Variants in MMP26 observed in about 807,000 individuals in gnomAD.
The protein encoded by MMP26 is matrix metalloproteinase-26.
A neutral mutation model predicts 31.0 loss-of-function variants in MMP26; 33 were observed. That is an observed-to-expected ratio of 1.06 (90% CI 0.81 to 1.42). The LOEUF (loss-of-function observed/expected upper bound fraction) is 1.42, where lower values mean the gene tolerates loss of function less well. Ranked by LOEUF, MMP26 falls within the 40% of genes most tolerant of loss-of-function variation. MMP26 has a pLI of 0.00. For synonymous variants in MMP26, 122 were observed against 114.9 expected (o/e 1.06, Z -0.40); for missense variants, 347 against 316.1 (o/e 1.10, Z -0.74).
intron 2 of MMP26, among the ~76,000 whole-genome samples, chr11:4,894,886 A>C (rs1248368250): frequency 6.6e-6 from 1 of 152,174 alleles, no homozygotes; most frequent in Non-Finnish European, 1.5e-5. Flanking sequence ...AAATCAGTTC[A>C]TTTCACTTGT....
intron 2 of MMP26, among the ~76,000 whole-genome samples, chr11:4,892,599 T>G (rs1044770233): frequency 6.6e-6 from 1 of 152,206 alleles, no homozygotes; most frequent in Non-Finnish European, 1.5e-5. Context: ...ATTAATTAAA[T>G]CTTATTAAAC....
At chr11:4,835,438 TTA>T (rs1849705527) in intron 2 of MMP26, among the ~76,000 whole-genome samples, 1 of 152,152 alleles carries the variant, frequency 6.6e-6, no homozygotes, top group Admixed American at 6.5e-5. Context: ...TCCCCTTAAC[TTA>T]TCAGTCAAGT....
intron 2 of MMP26, chr11:4,909,318 G>A (rs969931557): frequency 1.3e-5 from 2 of 152,034 alleles, no homozygotes; most frequent in African/African-American, 4.8e-5. Flanking sequence ...ATTTGAAGGG[G>A]GGCAAACAAG....
chr11:4,839,706 A>G (rs922094061), intron 2 of MMP26, among the ~76,000 whole-genome samples: 2 of 151,618 alleles, frequency 1.3e-5, no homozygotes, highest in African/African-American at 2.4e-5. Flanking sequence ...TACTACGTCA[A>G]GAGTCTTGGG....
intron 2 of MMP26, among the ~76,000 whole-genome samples, chr11:4,820,396 T>G (rs1266118615): frequency 6.7e-6 from 1 of 149,536 alleles, no homozygotes. Flanking sequence ...GGCTATTGTG[T>G]TTTTTTTATT....
chr11:4,843,661 T>C (rs1175969188), intron 2 of MMP26, among the ~76,000 whole-genome samples: 1 of 152,232 alleles, frequency 6.6e-6, no homozygotes, highest in Non-Finnish European at 1.5e-5. Context: ...GCAGTGAAGG[T>C]CTGAAATACC....
intron 2 of MMP26, chr11:4,875,165 G>A (rs1019269959): frequency 3.3e-5 from 5 of 152,044 alleles, no homozygotes; most frequent in African/African-American, 1.2e-4. Context: ...GCTCTCTAAT[G>A]AAGAGAAAAG....
intron 2 of MMP26, among the ~76,000 whole-genome samples, chr11:4,959,559 C>T (rs548004851): frequency 7.2e-5 from 11 of 152,252 alleles, no homozygotes; most frequent in East Asian, 3.9e-4. Flanking sequence ...CTCTGTTGCA[C>T]GGGTCTATTT....
intron 2 of MMP26, among the ~76,000 whole-genome samples, chr11:4,873,488 G>A (rs929529862): frequency 2.0e-5 from 3 of 152,070 alleles, no homozygotes; most frequent in African/African-American, 7.2e-5. Flanking sequence ...CTACTGGCAG[G>A]CCATTGGTAT....
chr11:4,898,831 CTGTGTG>C (rs1157500335), intron 2 of MMP26, among the ~76,000 whole-genome samples: 22,379 of 93,720 alleles, frequency 0.24, 2,082 homozygotes, highest in Middle Eastern at 0.39. Flanking sequence ...CTCTCTCTCT[CTGTGTG>C]TGTGTGTGTG....
chr11:4,935,438 C>G (rs12274930), intron 2 of MMP26, among the ~76,000 whole-genome samples: 2 of 151,270 alleles, frequency 1.3e-5, no homozygotes, highest in African/African-American at 4.9e-5. Flanking sequence ...TATCCTGAGA[C>G]TTTGCTGAAG....
rs73403073 is a variant in MMP26, at chr11:4,838,594, C to G, written c.-145+71253C>G. ...CGTAGAAAACAGTTGAATAAATTAC[C>G]TTGATCCACACCATGGAACATTATG... On this transcript the variant is annotated intron_variant, in intron 2 of 7. Coordinates refer to ENST00000380390, the MANE Select transcript of MMP26 (RefSeq NM_021801.5). Among the ~76,000 whole-genome samples the G allele has an allele frequency of 4.1e-3, 627 of 152,054 alleles. 8 individuals are homozygous for G. The highest frequency in any genetic ancestry group is 0.014 in the African/African-American group (580 of 41,484).
intron 2 of MMP26, among the ~76,000 whole-genome samples, chr11:4,873,541 T>G (rs1850338054): frequency 6.6e-6 from 1 of 152,062 alleles, no homozygotes. Context: ...AAGATTTAGG[T>G]AATACAGAAT....
At chr11:4,891,017 AT>A (rs1850612832) in intron 2 of MMP26, among the ~76,000 whole-genome samples, 1 of 148,074 alleles carries the variant, frequency 6.8e-6, no homozygotes, top group South Asian at 2.1e-4. Flanking sequence ...AATAATAATA[AT>A]AATAATAAAA....
intron 2 of MMP26, chr11:4,923,842 C>G: frequency 6.2e-7 from 1 of 1,613,948 alleles, no homozygotes; most frequent in Non-Finnish European, 8.5e-7. Flanking sequence ...ATTGGAAGCG[C>G]TTCAGGAGGA....
intron 2 of MMP26, among the ~76,000 whole-genome samples, chr11:4,789,753 G>A (rs1195539758): frequency 6.6e-6 from 1 of 151,440 alleles, no homozygotes; most frequent in Non-Finnish European, 1.5e-5. Context: ...TGTTAGCCAG[G>A]ATGGTGTCGA....
intron 1 of MMP26, chr11:4,752,834 G>C (rs1848462854): frequency 1.3e-5 from 2 of 153,238 alleles, no homozygotes; most frequent in African/African-American, 2.4e-5. Flanking sequence ...CAGTGAGGAT[G>C]ACAAAAAGGA....
rs1846900613 is a variant in MMP26 at position 4,986,916 on chromosome 11, T to TCTCTCTCTCTCTCC, written c.-144-1139_-144-1138insCCTCTCTCTCTCTC. Among the ~76,000 whole-genome samples the TCTCTCTCTCTCTCC allele has an allele frequency of 5.8e-5, 6 of 102,964 alleles. 1 individual carries two copies. Among genetic ancestry groups the TCTCTCTCTCTCTCC allele is most frequent in the Admixed American group, 2.0e-4 (2 of 10,064 alleles). The allele number at this position is 102,964 out of a possible 152,430, so 67.5% of individuals were successfully genotyped here. Reference sequence around the variant, plus strand: ...CTTCCTTCCTTCCTTTCTCTCTCTCTCTCTCTCTCTCTCTCCCTCTCTCTC... The same window carrying TCTCTCTCTCTCTCC: ...CTTCCTTCCTTCCTTTCTCTCTCTCTCTCTCTCTCTCTCCCTCTCTCTCTCTCTCCCTCTCTCTC... On this transcript the variant is annotated intron_variant, in intron 2 of 7. Coordinates refer to ENST00000380390, the MANE Select transcript of MMP26 (RefSeq NM_021801.5).
At chr11:4,826,977 C>G (rs1048174124) in intron 2 of MMP26, among the ~76,000 whole-genome samples, 1 of 152,098 alleles carries the variant, frequency 6.6e-6, no homozygotes, top group Non-Finnish European at 1.5e-5. Context: ...CCCCCTATTT[C>G]TGGGTTGTAC....
Sources: gnomAD v4.1 joint callset for allele counts (sites outside exome capture counted in the v4.1 genomes callset) on GRCh38, gnomAD v4.1.1 for gene constraint, MANE v1.5 for transcripts, NCBI Gene and HGNC (gene_info 2026-07-23, HGNC 2026-07-21) for gene names.